The following TBC1D2B variants were observed in gnomAD, a reference collection of about 807,000 sequenced individuals.
TBC1D2B encodes TBC1 domain family, member 2B.
Under a neutral mutation model 100.8 loss-of-function variants are expected in TBC1D2B, and 64 were observed. That is an observed-to-expected ratio of 0.64 (90% CI 0.52 to 0.78). TBC1D2B has a LOEUF of 0.78. Ranked by LOEUF, TBC1D2B falls within the 30% of genes least tolerant of loss-of-function variation. The probability of loss-of-function intolerance (pLI) is 0.00; values close to 1 mark genes in which losing one functional copy is unlikely to be tolerated. For synonymous variants in TBC1D2B, 480 were observed against 479.7 expected (o/e 1.00, Z -0.01); for missense variants, 1,052 against 1,218.4 (o/e 0.86, Z 2.03).
intron 1 of TBC1D2B, among the ~76,000 whole-genome samples, chr15:78,070,535 T>C (rs1056046932): frequency 6.6e-6 from 1 of 152,262 alleles, no homozygotes; most frequent in Admixed American, 6.5e-5. Flanking sequence ...AGTGAGTGAA[T>C]GAGTGGGAAG....
chr15:78,045,904 A>AT (rs1015435043), intron 2 of TBC1D2B, among the ~76,000 whole-genome samples: 3 of 152,066 alleles, frequency 2.0e-5, no homozygotes, highest in African/African-American at 7.2e-5. Flanking sequence ...GTTACTTAAA[A>AT]TTTTTTTGTT....
At chr15:78,074,989 A>G (rs1384075522) in intron 1 of TBC1D2B, among the ~76,000 whole-genome samples, 17 of 152,122 alleles carry the variant, frequency 1.1e-4, no homozygotes, top group East Asian at 1.9e-4. Context: ...GCCATTTTCC[A>G]TAACATTCTC....
chr15:78,008,921 C>T, intron 10 of TBC1D2B, 76 bp downstream of exon 10: 1 of 1,041,858 alleles, frequency 9.6e-7, no homozygotes. Context: ...CTCACCCTGA[C>T]CGCAGGTTTA....
At position 78,016,577 on chromosome 15, in the gene TBC1D2B, C is replaced by T. The variant is rs1390570050; in HGVS notation, c.1744G>A (p.Glu582Lys). The change falls in exon 8 of 13, where the codon GAG becomes AAG. Residue 582 changes from glutamate (E) to lysine (K), a missense_variant. By Grantham distance (56) the Glu-to-Lys change is moderately conservative. Transcript: ENST00000300584. ...AGATGAGGTTTAACAAATGCTTGCT[C>T]CGGCTGCTCTTGGCTCTCAACCTGC... Reference protein sequence around the residue: ...ALQVESQEQPEQAFVKPHLVS... With the variant: ...ALQVESQEQPKQAFVKPHLVS... 2.5e-6 allele frequency: 4 copies of T among 1,612,848 alleles called. No individual in the cohort carries two copies. Among genetic ancestry groups the T allele is most frequent in the East Asian group, 2.2e-5 (1 of 44,886 alleles).
At chr15:78,049,548 G>A (rs758296450) in intron 2 of TBC1D2B, among the ~76,000 whole-genome samples, 7 of 151,740 alleles carry the variant, frequency 4.6e-5, no homozygotes, top group Non-Finnish European at 7.4e-5. Context: ...GTTTCCCTGG[G>A]GTGGGGGTTT....
chr15:78,064,272 C>G (rs1376330620), intron 1 of TBC1D2B, among the ~76,000 whole-genome samples: 1 of 152,160 alleles, frequency 6.6e-6, no homozygotes, highest in Non-Finnish European at 1.5e-5. Flanking sequence ...TGACGCACAC[C>G]ATCTCAATCA....
chr15:78,042,675 C>A (rs565999744), intron 3 of TBC1D2B, among the ~76,000 whole-genome samples: 51 of 152,266 alleles, frequency 3.3e-4, no homozygotes, highest in Middle Eastern at 6.8e-3. Flanking sequence ...TCAGATGGCA[C>A]AGGGCAGACA....
chr15:78,005,314 T>C (rs576743165), intron 10 of TBC1D2B, among the ~76,000 whole-genome samples: 1 of 152,206 alleles, frequency 6.6e-6, no homozygotes, highest in Non-Finnish European at 1.5e-5. Flanking sequence ...AGCAAGGTCC[T>C]GGCACAGAAC....
intron 1 of TBC1D2B, among the ~76,000 whole-genome samples, chr15:78,064,767 G>A (rs992387373): frequency 1.4e-5 from 2 of 146,644 alleles, no homozygotes; most frequent in African/African-American, 5.0e-5. Flanking sequence ...AAAAAAAAAT[G>A]TATTTTTTTC....
chr15:78,010,549 G>A (rs185102263), intron 9 of TBC1D2B, among the ~76,000 whole-genome samples: 8 of 152,198 alleles, frequency 5.3e-5, no homozygotes, highest in African/African-American at 1.9e-4. Flanking sequence ...ATGCAGGGAT[G>A]GGATGGAAAG....
rs1326979491 is a variant in TBC1D2B at position 77,998,081 on chromosome 15, A to G, written c.*79T>C. 7.4e-7 allele frequency: 1 copy of G among 1,357,018 alleles called. No homozygotes were observed. The highest frequency in any genetic ancestry group is 9.8e-7 in the Non-Finnish European group (1 of 1,016,616). The allele number at this position is 1,357,018 out of a possible 1,614,324, so 84.1% of individuals were successfully genotyped here. On this transcript the variant is annotated 3_prime_UTR_variant, in exon 13 of 13. Coordinates refer to ENST00000300584, the MANE Select transcript of TBC1D2B (RefSeq NM_144572.2). ...GATCCCCAGAGGACACACACGTTAC[A>G]TTCTGGCTTTTAAGTGCACTTTCAC... is the stretch of plus-strand genomic sequence containing the variant.
rs1444511247 is a variant in TBC1D2B at position 77,997,862 on chromosome 15, G to A, written c.*298C>T. ...GTCAGAGCACCGACAGGCTGACGGA[G>A]GCTGGAAACAGGCTCTTGCAAATAG... On this transcript the variant is annotated 3_prime_UTR_variant, in exon 13 of 13. Transcript: ENST00000300584. 1.5e-5 allele frequency: 4 copies of A among 271,586 alleles called. No individual in the cohort carries two copies. The highest frequency in any genetic ancestry group is 2.1e-5 in the Non-Finnish European group (3 of 144,794). The allele number at this position is 271,586 out of a possible 1,614,324, so 16.8% of individuals were successfully genotyped here. A position where few individuals can be genotyped will look rare whatever the true frequency, so the allele number is the denominator to read the frequency against.
rs1472792719 is a variant in TBC1D2B, at chr15:78,013,218, G to C, written c.1875C>G (p.Leu625=). 1 of 1,613,870 alleles carries C rather than the reference G, an allele frequency of 6.2e-7. No homozygotes were observed. Among genetic ancestry groups the C allele is most frequent in the Non-Finnish European group, 8.5e-7 (1 of 1,179,904 alleles). Reference sequence around the variant, plus strand: ...CAGTGGAGACTTCCTGGTTTTCTGTGAGGTAGAGAGTCTTCAGATCCAACG... The same window carrying C: ...CAGTGGAGACTTCCTGGTTTTCTGTCAGGTAGAGAGTCTTCAGATCCAACG... The part of the protein sequence containing the change: ...VRALDLKTLY[L]TENQEVSTGV... Residue 625 remains leucine, a synonymous_variant, in exon 9 of 13, where the codon CTC becomes CTG. Transcript: ENST00000300584.
intron 1 of TBC1D2B, chr15:78,066,211 C>A (rs1300931925): frequency 7.8e-6 from 3 of 382,684 alleles, no homozygotes; most frequent in African/African-American, 4.2e-5. Flanking sequence ...GAGAATTGGG[C>A]CAAAAGCCAC....
rs866725054 is a variant in TBC1D2B at position 78,001,811 on chromosome 15, G to A, written c.2575-71C>T. The stretch of plus-strand genomic sequence containing the variant: ...TCCAGGCACAAGGCTGGACTCCAGG[G>A]GGGTGCTGGCCCTACTGGGGACAGG... On this transcript the variant is annotated intron_variant, in intron 11 of 12. Coordinates refer to ENST00000300584, the MANE Select transcript of TBC1D2B (RefSeq NM_144572.2). The A allele has an allele frequency of 2.5e-4, 386 of 1,515,558 alleles. 6 individuals are homozygous for A. The Middle Eastern group carries it at 7.9e-3, about 31-fold the overall frequency. The allele number at this position is 1,515,558 out of a possible 1,614,324, so 93.9% of individuals were successfully genotyped here.
chr15:78,012,753 G>A (rs2072262916), intron 9 of TBC1D2B, 70 bp downstream of exon 9: 7 of 1,371,584 alleles, frequency 5.1e-6, no homozygotes, highest in Non-Finnish European at 9.5e-7. Context: ...AAGGGAGGGA[G>A]CTGCCAGGCA....
chr15:78,063,528 A>G (rs2073592127), intron 1 of TBC1D2B, among the ~76,000 whole-genome samples: 1 of 152,184 alleles, frequency 6.6e-6, no homozygotes, highest in African/African-American at 2.4e-5. Context: ...AAATAAAACT[A>G]TATCAGATGC....
intron 3 of TBC1D2B, among the ~76,000 whole-genome samples, chr15:78,037,128 C>A (rs1260727658): frequency 6.6e-6 from 1 of 152,122 alleles, no homozygotes; most frequent in Non-Finnish European, 1.5e-5. Flanking sequence ...AGGTACAGCT[C>A]CACAGGTTCC....
intron 1 of TBC1D2B, among the ~76,000 whole-genome samples, chr15:78,063,848 A>G (rs1410597691): frequency 2.0e-5 from 3 of 151,246 alleles, no homozygotes; most frequent in Non-Finnish European, 4.4e-5. Flanking sequence ...AGAGTCATCT[A>G]CCCCTGGGCC....
Sources: gnomAD v4.1 joint callset for allele counts (sites outside exome capture counted in the v4.1 genomes callset) on GRCh38, gnomAD v4.1.1 for gene constraint, MANE v1.5 for transcripts, NCBI Gene and HGNC (gene_info 2026-07-23, HGNC 2026-07-21) for gene names.